The following ARHGEF26 variants were observed in gnomAD, a reference collection of about 807,000 sequenced individuals.
ARHGEF26 encodes the protein Rho guanine nucleotide exchange factor 26.
ARHGEF26 carries 59 observed loss-of-function variants against 89.4 expected under a neutral mutation model. The observed-to-expected ratio is 0.66, with a 90% CI of 0.54 to 0.82. The LOEUF is 0.82. Among genes scored for constraint, ARHGEF26 ranks in the 40% least tolerant of loss-of-function variants. ARHGEF26 has a pLI of 0.00. For missense variants in ARHGEF26, 1,234 were observed against 1,085.6 expected, an observed-to-expected ratio of 1.14 and a Z score of -1.92; for synonymous variants, 500 against 428.4, an observed-to-expected ratio of 1.17 and a Z score of -2.06.
intron 5 of ARHGEF26, among the ~76,000 whole-genome samples, chr3:154,151,588 A>G (rs890972355): frequency 6.6e-6 from 1 of 152,216 alleles, no homozygotes; most frequent in African/African-American, 2.4e-5. Context: ...GACTCTTAAC[A>G]TTCTTACTCT....
intron 7 of ARHGEF26, 75 bp downstream of exon 7, chr3:154,187,912 G>T: frequency 1.5e-6 from 2 of 1,343,550 alleles, no homozygotes; most frequent in South Asian, 1.8e-5. Flanking sequence ...GAAATTAATT[G>T]ATCTTTTGAA....
At chr3:154,185,018 C>T (rs771205230) in intron 6 of ARHGEF26, among the ~76,000 whole-genome samples, 8 of 152,118 alleles carry the variant, frequency 5.3e-5, no homozygotes, top group African/African-American at 9.7e-5. Flanking sequence ...CCCCTGCTCC[C>T]GTCATGTCAT....
chr3:154,172,588 G>C (rs2108142522), intron 6 of ARHGEF26, among the ~76,000 whole-genome samples: 1 of 152,308 alleles, frequency 6.6e-6, no homozygotes, highest in East Asian at 1.9e-4. Context: ...CAGCTACTCT[G>C]TAGGCTGAGA....
intron 6 of ARHGEF26, among the ~76,000 whole-genome samples, chr3:154,160,364 A>G (rs1711584221): frequency 6.6e-6 from 1 of 152,168 alleles, no homozygotes. Context: ...AGTCCTTTGG[A>G]TAAGACCTCA....
At chr3:154,236,734 T>A (rs190964616) in intron 11 of ARHGEF26, among the ~76,000 whole-genome samples, 3 of 152,350 alleles carry the variant, frequency 2.0e-5, no homozygotes, top group Admixed American at 6.5e-5. Context: ...TTTCTGCTCC[T>A]CTTTCTACTG....
In ARHGEF26 at chr3:154,134,706, A is replaced by T. The variant is rs188989422; in HGVS notation, c.1269+4987A>T. 6.7e-3 allele frequency among the ~76,000 whole-genome samples: 1,010 copies of T among 151,800 alleles called. 9 individuals are homozygous for T. Among genetic ancestry groups the T allele is most frequent in the Non-Finnish European group, 8.6e-3 (584 of 67,914 alleles). On this transcript the variant is annotated intron_variant, in intron 4 of 14. Transcript: ENST00000465093. ...TTGCCCATTTAGTATGATGTTGGTG[A>T]TGGGTTTGTAATATATGGCTCTTAT...
rs1013386106 is a variant in ARHGEF26, at chr3:154,167,202, A to T, written c.1487+14270A>T. Among the ~76,000 whole-genome samples the T allele has an allele frequency of 3.9e-5, 6 of 152,300 alleles. No individual in the cohort carries two copies. The East Asian group carries it at 5.8e-4, about 15-fold the overall frequency. Reference sequence around the variant, plus strand: ...ATTGAGCATTACATCTGATTCCTTGATAAAATATTTTAGGATGAGAGCACC... The same window carrying T: ...ATTGAGCATTACATCTGATTCCTTGTTAAAATATTTTAGGATGAGAGCACC... On this transcript the variant is annotated intron_variant, in intron 6 of 14. Transcript: ENST00000465093.
chr3:154,237,538 T>TCACACACACACACA (rs71152796), intron 11 of ARHGEF26, among the ~76,000 whole-genome samples: 4,201 of 143,202 alleles, frequency 0.029, 84 homozygotes, highest in East Asian at 0.043. Context: ...TGAGACTCCG[T>TCACACACACACACA]CACACACACA....
chr3:154,243,739 T>C (rs1184094064), intron 12 of ARHGEF26, among the ~76,000 whole-genome samples: 1 of 151,532 alleles, frequency 6.6e-6, no homozygotes, highest in Non-Finnish European at 1.5e-5. Flanking sequence ...TTCTCTTTGC[T>C]CTCCCCACCC....
chr3:154,188,523 C>G (rs1489105931), intron 7 of ARHGEF26, among the ~76,000 whole-genome samples: 1 of 152,100 alleles, frequency 6.6e-6, no homozygotes, highest in Non-Finnish European at 1.5e-5. Context: ...TTCAGTAATG[C>G]CTATATGTAT....
At chr3:154,178,118 C>A (rs533025065) in intron 6 of ARHGEF26, among the ~76,000 whole-genome samples, 27 of 151,996 alleles carry the variant, frequency 1.8e-4, no homozygotes, top group Admixed American at 1.1e-3. Flanking sequence ...GCAAGAGAAT[C>A]GCTTGAACCC....
At position 154,121,948 on chromosome 3, in the gene ARHGEF26, C is replaced by G; in HGVS notation, c.-45C>G. 6.5e-7 allele frequency: 1 copy of G among 1,543,720 alleles called. No homozygotes were observed. Among genetic ancestry groups the G allele is most frequent in the Middle Eastern group, 1.8e-4 (1 of 5,564 alleles). On this transcript the variant is annotated 5_prime_UTR_variant, in exon 2 of 15. Transcript: ENST00000465093. ...TAACTTCTTTCCTCTTTAGGCAAGA[C>G]TAACTCGGTGTTGCTCCTCCCGGCG...
intron 5 of ARHGEF26, among the ~76,000 whole-genome samples, chr3:154,149,765 G>A (rs1467286785): frequency 2.6e-5 from 4 of 152,012 alleles, no homozygotes; most frequent in African/African-American, 7.2e-5. Context: ...GGATGTTTAT[G>A]GAAAAACTGA....
chr3:154,133,016 C>T (rs565721615), intron 4 of ARHGEF26, among the ~76,000 whole-genome samples: 10 of 151,998 alleles, frequency 6.6e-5, no homozygotes, highest in African/African-American at 9.7e-5. Context: ...GTGCATTAGC[C>T]GGTGTTGTTT....
intron 5 of ARHGEF26, among the ~76,000 whole-genome samples, chr3:154,150,037 C>A (rs1719926562): frequency 6.7e-6 from 1 of 148,912 alleles, no homozygotes; most frequent in Non-Finnish European, 1.5e-5. Context: ...AAAGCATTTT[C>A]CTCTTGCTTC....
At chr3:154,181,902 C>A (rs537768079) in intron 6 of ARHGEF26, among the ~76,000 whole-genome samples, 2 of 152,118 alleles carry the variant, frequency 1.3e-5, no homozygotes, top group Admixed American at 1.3e-4. Flanking sequence ...GAACGAAATT[C>A]TTTTACATGT....
chr3:154,162,345 A>G (rs993741126), intron 6 of ARHGEF26, among the ~76,000 whole-genome samples: 3 of 152,206 alleles, frequency 2.0e-5, no homozygotes, highest in Non-Finnish European at 4.4e-5. Flanking sequence ...TCAAAAGCAG[A>G]CTTTTTAAAG....
intron 9 of ARHGEF26, among the ~76,000 whole-genome samples, chr3:154,212,182 T>C (rs1354399066): frequency 6.6e-6 from 1 of 151,726 alleles, no homozygotes; most frequent in Non-Finnish European, 1.5e-5. Flanking sequence ...CCACAGTAAA[T>C]CAAAAAATTA....
At chr3:154,181,793 A>C (rs114258256) in intron 6 of ARHGEF26, among the ~76,000 whole-genome samples, 1 of 152,278 alleles carries the variant, frequency 6.6e-6, no homozygotes, top group South Asian at 2.1e-4. Context: ...TGGGAAGCCA[A>C]CTTGTGGTCA....
Sources: gnomAD v4.1 joint callset for allele counts (sites outside exome capture counted in the v4.1 genomes callset) on GRCh38, gnomAD v4.1.1 for gene constraint, MANE v1.5 for transcripts, NCBI Gene and HGNC (gene_info 2026-07-23, HGNC 2026-07-21) for gene names.